Variants in CAPN15 observed in about 807,000 individuals in gnomAD.
CAPN15 encodes calpain-15.
CAPN15 carries 53 observed loss-of-function variants against 97.9 expected under a neutral mutation model. The observed-to-expected ratio is 0.54, with a 90% CI of 0.43 to 0.68. The LOEUF (loss-of-function observed/expected upper bound fraction) is 0.68, where lower values mean the gene tolerates loss of function less well. Ranked by LOEUF, CAPN15 falls within the 30% of genes least tolerant of loss-of-function variation. The pLI is 0.00. For missense variants in CAPN15, 1,592 were observed against 1,589.8 expected (o/e 1.00, Z -0.02); for synonymous variants, 922 against 722.5 (o/e 1.28, Z -4.43).
chr16:543,568 G>A (rs939010086), intron 3 of CAPN15, among the ~76,000 whole-genome samples: 1 of 152,130 alleles, frequency 6.6e-6, no homozygotes, highest in African/African-American at 2.4e-5. Flanking sequence ...GGCCACTCCT[G>A]CCCGTGCCCG....
intron 3 of CAPN15, chr16:540,449 AGAGGTGCT>A (rs2034038791): frequency 1.4e-6 from 1 of 710,690 alleles, no homozygotes; most frequent in Non-Finnish European, 1.7e-6. Flanking sequence ...CCTCCTTGGC[AGAGGTGCT>A]TGCAGAGAAG....
At position 548,026 on chromosome 16, in the gene CAPN15, C is replaced by T. The variant is rs1410056365; in HGVS notation, c.1188C>T (p.Cys396=). ...AGCCCAGCCCCTGCGGCAGAAGCTG[C>T]GGACGGGTGTCCTCGGCCCAGAAGG... The part of the protein sequence containing the change: ...ADKPSPCGRS[C]GRVSSAQKAA... The change falls in exon 4 of 14, where the codon TGC becomes TGT. Residue 396 remains cysteine (C), a synonymous_variant. Transcript: ENST00000219611. The T allele has an allele frequency of 2.4e-5, 38 of 1,568,042 alleles. No individual in the cohort carries two copies. Among genetic ancestry groups the T allele is most frequent in the East Asian group, 1.9e-4 (8 of 41,904 alleles).
rs983021407 is a variant in CAPN15 at position 527,790 on chromosome 16, C to T, written c.-429C>T. 1 of 148,978 alleles carries T rather than the reference C, an allele frequency of 6.7e-6. No homozygotes were observed. Among genetic ancestry groups the T allele is most frequent in the Non-Finnish European group, 1.5e-5 (1 of 66,894 alleles). The allele number at this position is 148,978 out of a possible 1,614,324, so 9.2% of individuals were successfully genotyped here. Reference sequence around the variant, plus strand: ...CGCGGGGCCCGGGCCGGGCGCTACGCTACGAAGGCAGCGTAAGGCGGGCGC... The same window carrying T: ...CGCGGGGCCCGGGCCGGGCGCTACGTTACGAAGGCAGCGTAAGGCGGGCGC... On this transcript the variant is annotated 5_prime_UTR_variant, in exon 1 of 14. Transcript: ENST00000219611.
chr16:538,314 TC>T (rs2033872686), intron 3 of CAPN15: 3 of 151,932 alleles, frequency 2.0e-5, no homozygotes, highest in Non-Finnish European at 4.4e-5. Flanking sequence ...TTGATTTTTT[TC>T]CAACCATTTA....
In CAPN15 at chr16:547,567, C is replaced by T. The variant is rs1034890583; in HGVS notation, c.729C>T (p.Pro243=). 4.7e-5 allele frequency: 74 copies of T among 1,587,266 alleles called. No individual in the cohort carries two copies. Among genetic ancestry groups the T allele is most frequent in the Non-Finnish European group, 5.6e-5 (65 of 1,170,896 alleles). Residue 243 remains proline, a synonymous_variant, in exon 4 of 14, where the codon CCC becomes CCT. Coordinates refer to ENST00000219611, the MANE Select transcript of CAPN15 (RefSeq NM_005632.3). The part of the protein sequence containing the change: ...SPFSSTLQNN[P]VPRSRREVPP... ...TCTCGTCCACCCTGCAGAACAACCCCGTGCCGCGCAGCCGACGCGAGGTTC... is the reference window on the plus strand; with the variant it reads ...TCTCGTCCACCCTGCAGAACAACCCTGTGCCGCGCAGCCGACGCGAGGTTC...
chr16:551,891 A>C, intron 9 of CAPN15, 160 bp from the exon 10 acceptor site: 14 of 970,534 alleles, frequency 1.4e-5, no homozygotes, highest in Non-Finnish European at 2.1e-5. Context: ...GCTTCCTATT[A>C]TAGGCCTCAG....
chr16:537,043 T>TC (rs2033784611), intron 3 of CAPN15: 1 of 661,130 alleles, frequency 1.5e-6, no homozygotes, highest in African/African-American at 2.0e-5. Context: ...TCTCTGGAGA[T>TC]CCCCTGGCGT....
intron 1 of CAPN15, chr16:528,744 G>C: frequency 1.0e-6 from 1 of 985,430 alleles, no homozygotes; most frequent in Non-Finnish European, 1.2e-6. Context: ...GAAAGCAATG[G>C]TGAGGCCCAG....
chr16:550,147 C>T (rs973119683), intron 7 of CAPN15, among the ~76,000 whole-genome samples: 3 of 152,070 alleles, frequency 2.0e-5, no homozygotes, highest in East Asian at 1.9e-4. Context: ...AGACTGATGC[C>T]GTCATCCGCC....
Position 551,351 on chromosome 16 carries a change from T to G in CAPN15, c.2116T>G (p.Ser706Ala), listed in dbSNP as rs143248873. ...CGGGNMKVDD[S>A]AYESLGLRPR... ...CGGGGGCAACATGAAGGTGGACGAT[T>G]CGGCCTACGAGAGCCTGGGCCTGCG... Residue 706 changes from serine to alanine, a missense_variant, in exon 8 of 14, where the codon TCG (serine) becomes GCG (alanine). Physicochemically the swap from Ser to Ala is moderately conservative, Grantham distance 99. Coordinates refer to ENST00000219611, the MANE Select transcript of CAPN15 (RefSeq NM_005632.3). The G allele has an allele frequency of 2.5e-5, 41 of 1,608,788 alleles. No homozygotes were observed. Among genetic ancestry groups the G allele is most frequent in the Non-Finnish European group, 3.2e-5 (38 of 1,178,486 alleles).
rs571748883 is a variant in CAPN15, at chr16:537,465, G to T, written c.-23+1323G>T. On this transcript the variant is annotated intron_variant, in intron 3 of 13. Transcript: ENST00000219611. ...GTGCGTGGGTGGGTGAGTGGCGAAG[G>T]AGCTGAGGTTGGCCCTGGCAGGTGT... 3.0e-6 allele frequency: 3 copies of T among 985,250 alleles called. No homozygotes were observed. The East Asian group carries it at 3.4e-4, about 112-fold the overall frequency. The allele number at this position is 985,250 out of a possible 1,614,324, so 61.0% of individuals were successfully genotyped here. A position where few individuals can be genotyped will look rare whatever the true frequency, so the allele number is the denominator to read the frequency against.
rs1210734117 is a variant in CAPN15 at position 554,514 on chromosome 16, C to T, written c.*998C>T. On this transcript the variant is annotated 3_prime_UTR_variant, in exon 14 of 14. Coordinates refer to ENST00000219611, the MANE Select transcript of CAPN15 (RefSeq NM_005632.3). ...AATATTTTTAACCCTGTAAATACGGCCAGCTCTTGTGACACAGAGACTATT... is the reference window on the plus strand; with the variant it reads ...AATATTTTTAACCCTGTAAATACGGTCAGCTCTTGTGACACAGAGACTATT... The T allele has an allele frequency of 4.4e-6, 2 of 455,940 alleles. No individual in the cohort carries two copies. Among genetic ancestry groups the T allele is most frequent in the South Asian group, 3.1e-5 (2 of 64,568 alleles). 28.2% of individuals were successfully genotyped at this position (455,940 alleles called of 1,614,324 possible). A position where few individuals can be genotyped will look rare whatever the true frequency, so the allele number is the denominator to read the frequency against.
Position 551,311 on chromosome 16 carries a change from G to A in CAPN15, c.2076G>A (p.Met692Ile). The A allele has an allele frequency of 1.2e-6, 2 of 1,603,384 alleles. No individual in the cohort carries two copies. The highest frequency in any genetic ancestry group is 1.7e-6 in the Non-Finnish European group (2 of 1,174,842). ...CCGCTCTGCCACACAGGTTCCTCAT[G>A]GGTGCCTCCTGTGGCGGGGGCAACA... ...MLSSKEAGFL[M>I]GASCGGGNMK... is the part of the protein sequence containing the mutation. Residue 692 changes from methionine (M) to isoleucine (I), a missense_variant, in exon 8 of 14, where the codon ATG (methionine) becomes ATA (isoleucine). This residue lies in a region of CAPN15 where 644 missense variants were observed against 699.6 expected (regional missense o/e 0.92). Coordinates refer to ENST00000219611, the MANE Select transcript of CAPN15 (RefSeq NM_005632.3).
In CAPN15 at chr16:554,083, A is replaced by G. The variant is rs994805963; in HGVS notation, c.*567A>G. The G allele has an allele frequency of 2.1e-5, 4 of 189,342 alleles. No individual in the cohort carries two copies. Among genetic ancestry groups the G allele is most frequent in the African/African-American group, 9.4e-5 (4 of 42,538 alleles). The allele number at this position is 189,342 out of a possible 1,614,324, so 11.7% of individuals were successfully genotyped here. ...CCTTGGCCAGCCCCCCAGCGACACTATGCAAATCCTGGAGTGCCCGCCAGG... is the reference window on the plus strand; with the variant it reads ...CCTTGGCCAGCCCCCCAGCGACACTGTGCAAATCCTGGAGTGCCCGCCAGG... On this transcript the variant is annotated 3_prime_UTR_variant, in exon 14 of 14. Transcript: ENST00000219611.
At chr16:531,622 T>A (rs1207754066) in intron 1 of CAPN15, among the ~76,000 whole-genome samples, 2 of 144,112 alleles carry the variant, frequency 1.4e-5, no homozygotes, top group Non-Finnish European at 3.0e-5. Flanking sequence ...TTCTCTGGGG[T>A]GACAGGTGCC....
chr16:538,883 C>T (rs1463399653), intron 3 of CAPN15: 1 of 150,952 alleles, frequency 6.6e-6, no homozygotes, highest in Non-Finnish European at 1.5e-5. Flanking sequence ...CCACCCCCCC[C>T]AGCCCGCTCA....
At position 553,980 on chromosome 16, in the gene CAPN15, C is replaced by A. The variant is rs1197721898; in HGVS notation, c.*464C>A. The A allele has an allele frequency of 5.3e-6, 1 of 187,334 alleles. No individual in the cohort carries two copies. The highest frequency in any genetic ancestry group is 1.1e-5 in the Non-Finnish European group (1 of 93,220). 11.6% of individuals were successfully genotyped at this position (187,334 alleles called of 1,614,324 possible). A position where few individuals can be genotyped will look rare whatever the true frequency, so the allele number is the denominator to read the frequency against. Reference sequence around the variant, plus strand: ...CCCCAGAGCCCGGGTCCCTGTCCCCCACAGGGCAGGCGGGGTCCCTGGAGC... The same window carrying A: ...CCCCAGAGCCCGGGTCCCTGTCCCCAACAGGGCAGGCGGGGTCCCTGGAGC... On this transcript the variant is annotated 3_prime_UTR_variant, in exon 14 of 14. Coordinates refer to ENST00000219611, the MANE Select transcript of CAPN15 (RefSeq NM_005632.3).
intron 1 of CAPN15, among the ~76,000 whole-genome samples, 173 bp from the exon 2 acceptor site, chr16:533,773 G>A (rs1474287148): frequency 6.6e-6 from 1 of 152,178 alleles, no homozygotes; most frequent in Non-Finnish European, 1.5e-5. Flanking sequence ...TTGGCGCTCG[G>A]ACAGACACCC....
At chr16:545,950 T>C (rs1453439692) in intron 3 of CAPN15, among the ~76,000 whole-genome samples, 3 of 152,184 alleles carry the variant, frequency 2.0e-5, no homozygotes, top group Non-Finnish European at 4.4e-5. Flanking sequence ...CTCCGAGTGG[T>C]GATGGCGGGG....
Sources: allele counts gnomAD v4.1 joint callset (sites outside exome capture counted in the v4.1 genomes callset), GRCh38; gene constraint gnomAD v4.1.1; regional missense constraint gnomAD v4.1.1; transcripts MANE v1.5; gene names NCBI Gene and HGNC (gene_info 2026-07-23, HGNC 2026-07-21).